Variants in FBLN2 observed in about 807,000 individuals in gnomAD.
FBLN2 encodes the protein fibulin-2.
Under a neutral mutation model 123.7 loss-of-function variants are expected in FBLN2, and 81 were observed. The observed-to-expected ratio is 0.65, with a 90% CI of 0.55 to 0.79. The LOEUF (loss-of-function observed/expected upper bound fraction) is 0.79, where lower values mean the gene tolerates loss of function less well. FBLN2 is among the 30% of genes least tolerant of loss of function. FBLN2 has a pLI of 0.00. For synonymous variants in FBLN2, 699 were observed against 701.4 expected, an observed-to-expected ratio of 1.00 and a Z score of 0.05; for missense variants, 1,603 against 1,681.3, an observed-to-expected ratio of 0.95 and a Z score of 0.81.
chr3:13,629,175 T>C lies in FBLN2; in HGVS notation c.2725T>C (p.Cys909Arg). Residue 909 changes from cysteine to arginine, a missense_variant, in exon 13 of 18, where the codon TGT becomes CGT. Physicochemically the swap from Cys to Arg is radical, Grantham distance 180. Coordinates refer to ENST00000404922, the MANE Select transcript of FBLN2 (RefSeq NM_001004019.2). ...CTCACCCCCCACAGACGTGAATGAG[T>C]GTGAGACAGGTGTGCACCGCTGCGG... Reference protein sequence around the residue: ...DGTKCVDVNECETGVHRCGEG... With the variant: ...DGTKCVDVNERETGVHRCGEG... 1 of 1,613,080 alleles carries C rather than the reference T, an allele frequency of 6.2e-7. No individual in the cohort carries two copies.
Position 13,637,976 on chromosome 3 carries a change from G to A in FBLN2, c.*57G>A. 2.1e-6 allele frequency: 3 copies of A among 1,420,406 alleles called. No individual in the cohort carries two copies. The highest frequency in any genetic ancestry group is 2.9e-6 in the Non-Finnish European group (3 of 1,040,266). The allele number at this position is 1,420,406 out of a possible 1,614,324, so 88.0% of individuals were successfully genotyped here. ...GCAGCCCAGGGCTCACACTGCGTGG[G>A]AGGGACTGGGTCACTATTGTGGTTT... is the stretch of plus-strand genomic sequence containing the variant. On this transcript the variant is annotated 3_prime_UTR_variant, in exon 18 of 18. Coordinates refer to ENST00000404922, the MANE Select transcript of FBLN2 (RefSeq NM_001004019.2).
At position 13,570,916 on chromosome 3, in the gene FBLN2, T is replaced by C. The variant is rs749078519; in HGVS notation, c.561T>C (p.Gly187=). The C allele has an allele frequency of 1.9e-6, 3 of 1,612,642 alleles. No homozygotes were observed. The Admixed American group carries it at 5.0e-5, about 27-fold the overall frequency. The change falls in exon 2 of 18, where the codon GGT becomes GGC. Residue 187 remains glycine (G), a synonymous_variant. Coordinates refer to ENST00000404922, the MANE Select transcript of FBLN2 (RefSeq NM_001004019.2). The part of the protein sequence containing the change: ...CHGNFSDAEE[G]DPERHYEDPY... ...GGAACTTCTCAGATGCCGAGGAGGG[T>C]GACCCCGAGCGACACTACGAAGACC...
At chr3:13,610,755 A>T (rs995886810) in intron 4 of FBLN2, among the ~76,000 whole-genome samples, 1 of 152,228 alleles carries the variant, frequency 6.6e-6, no homozygotes, top group Non-Finnish European at 1.5e-5. Flanking sequence ...GGAGGAAGGC[A>T]GGGCTGAGTT....
rs565480987 is a variant in FBLN2 at position 13,618,514 on chromosome 3, A to G, written c.1939+229A>G. On this transcript the variant is annotated intron_variant, in intron 6 of 17. Coordinates refer to ENST00000404922, the MANE Select transcript of FBLN2 (RefSeq NM_001004019.2). Reference sequence around the variant, plus strand: ...GGACCTGGCCCCAGCACCTTGTCCCATATTCGAGCGCAGGGACAGGCTCAG... The same window carrying G: ...GGACCTGGCCCCAGCACCTTGTCCCGTATTCGAGCGCAGGGACAGGCTCAG... Among the ~76,000 whole-genome samples, 9 of 152,314 alleles carry G rather than the reference A, an allele frequency of 5.9e-5. No homozygotes were observed. In the South Asian group the frequency reaches 8.3e-4, roughly 14 times the overall value.
At chr3:13,586,792 A>G (rs1415567192) in intron 2 of FBLN2, among the ~76,000 whole-genome samples, 1 of 148,598 alleles carries the variant, frequency 6.7e-6, no homozygotes, top group African/African-American at 2.5e-5. Flanking sequence ...TATGGGATGG[A>G]GCCACCTCAC....
chr3:13,614,620 ACC>A (rs1225355036), intron 5 of FBLN2, among the ~76,000 whole-genome samples: 1 of 143,326 alleles, frequency 7.0e-6, no homozygotes, highest in Admixed American at 7.0e-5. Context: ...CCATCCACCC[ACC>A]TACCCACCCA....
chr3:13,626,964 G>T (rs1280035997), intron 10 of FBLN2, among the ~76,000 whole-genome samples: 1 of 152,100 alleles, frequency 6.6e-6, no homozygotes, highest in African/African-American at 2.4e-5. Context: ...CAGAGGGAGG[G>T]GTTTCATCCA....
intron 2 of FBLN2, among the ~76,000 whole-genome samples, chr3:13,585,518 T>C (rs907485959): frequency 1.6e-4 from 25 of 152,192 alleles, no homozygotes; most frequent in African/African-American, 6.0e-4. Flanking sequence ...CATACGATTA[T>C]GGTGAAGCTG....
At chr3:13,558,160 C>G (rs1295945717) in intron 1 of FBLN2, among the ~76,000 whole-genome samples, 3 of 152,202 alleles carry the variant, frequency 2.0e-5, no homozygotes, top group African/African-American at 7.2e-5. Flanking sequence ...TGCCTCCTTC[C>G]AGATGCTGTG....
chr3:13,574,982 C>T lies in FBLN2; in HGVS notation c.1306+3321C>T, dbSNP rs373189954. Among the ~76,000 whole-genome samples, 10 of 152,298 alleles carry T rather than the reference C, an allele frequency of 6.6e-5. No homozygotes were observed. The East Asian group carries it at 1.3e-3, about 21-fold the overall frequency. The stretch of plus-strand genomic sequence containing the variant: ...TCCCCCATTAGACTCTAAACGAGGG[C>T]GAGGTTGCGTCTGCCTTGCTCACTG... On this transcript the variant is annotated intron_variant, in intron 2 of 17. Coordinates refer to ENST00000404922, the MANE Select transcript of FBLN2 (RefSeq NM_001004019.2).
chr3:13,565,030 G>C lies in FBLN2; in HGVS notation c.-41-5285G>C, dbSNP rs12633274. Among the ~76,000 whole-genome samples, 7 of 152,276 alleles carry C rather than the reference G, an allele frequency of 4.6e-5. No homozygotes were observed. The East Asian group carries it at 1.2e-3, about 25-fold the overall frequency. ...CTCCCTCCCCATCCTGCCTGCCCCA[G>C]GTGCCTTGTGAGGAGTGGGCAGGTC... On this transcript the variant is annotated intron_variant, in intron 1 of 17. Coordinates refer to ENST00000404922, the MANE Select transcript of FBLN2 (RefSeq NM_001004019.2).
In FBLN2 at chr3:13,637,712, C is replaced by T. The variant is rs1403632342; in HGVS notation, c.3489C>T (p.Thr1163=). The T allele has an allele frequency of 6.2e-7, 1 of 1,613,898 alleles. No individual in the cohort carries two copies. The highest frequency in any genetic ancestry group is 8.5e-7 in the Non-Finnish European group (1 of 1,179,884). Residue 1163 remains threonine, a synonymous_variant, in exon 18 of 18, where the codon ACC becomes ACT. Coordinates refer to ENST00000404922, the MANE Select transcript of FBLN2 (RefSeq NM_001004019.2). Reference sequence around the variant, plus strand: ...CCGCGCCAGCCTTCACGGGGGACACCATCGCCCTGAACATCATCAAGGGCA... The same window carrying T: ...CCGCGCCAGCCTTCACGGGGGACACTATCGCCCTGAACATCATCAAGGGCA... ...IGPAPAFTGD[T]IALNIIKGNE...
At chr3:13,576,024 G>T (rs972324741) in intron 2 of FBLN2, among the ~76,000 whole-genome samples, 1 of 152,190 alleles carries the variant, frequency 6.6e-6, no homozygotes, top group African/African-American at 2.4e-5. Flanking sequence ...GGCGAGTTCT[G>T]TGCCCTGCCC....
At chr3:13,633,323 G>A (rs1706325078) in intron 16 of FBLN2, among the ~76,000 whole-genome samples, 1 of 152,262 alleles carries the variant, frequency 6.6e-6, no homozygotes, top group Non-Finnish European at 1.5e-5. Flanking sequence ...GCTCTGTGTT[G>A]AAGAACTGGC....
intron 8 of FBLN2, among the ~76,000 whole-genome samples, chr3:13,620,905 G>C (rs1013209160): frequency 4.6e-5 from 7 of 152,216 alleles, no homozygotes; most frequent in Non-Finnish European, 4.4e-5. Flanking sequence ...GGTACATGAC[G>C]TGGCAGTGAC....
intron 1 of FBLN2, among the ~76,000 whole-genome samples, chr3:13,567,637 C>T (rs1433101285): frequency 1.3e-5 from 2 of 151,760 alleles, no homozygotes; most frequent in African/African-American, 4.8e-5. Context: ...GGATTACAGG[C>T]GTGAGCCACC....
intron 2 of FBLN2, among the ~76,000 whole-genome samples, chr3:13,591,950 G>T (rs981259664): frequency 1.3e-5 from 2 of 151,156 alleles, no homozygotes; most frequent in African/African-American, 2.4e-5. Context: ...CCCCTACTGC[G>T]TTACATTGTT....
In FBLN2 at chr3:13,619,339, C is replaced by T. The variant is rs73150620; in HGVS notation, c.2053+322C>T. ...GACCTGTTGTGGAGGCTGTGTTCAG[C>T]GCTGTGTAGAAAGTCCTCTTCTTTG... On this transcript the variant is annotated intron_variant, in intron 7 of 17. Transcript: ENST00000404922. Among the ~76,000 whole-genome samples, 925 of 152,258 alleles carry T rather than the reference C, an allele frequency of 6.1e-3. 8 individuals carry two copies. Among genetic ancestry groups the T allele is most frequent in the African/African-American group, 0.021 (878 of 41,508 alleles).
chr3:13,633,970 C>CACACACACACACACAT (rs1461203975), intron 16 of FBLN2, among the ~76,000 whole-genome samples: 5 of 150,870 alleles, frequency 3.3e-5, no homozygotes, highest in Non-Finnish European at 7.4e-5. Context: ...CACACACACA[C>CACACACACACACACAT]ACACACACAC....
Sources: gnomAD v4.1 joint callset for allele counts (sites outside exome capture counted in the v4.1 genomes callset) on GRCh38, gnomAD v4.1.1 for gene constraint, MANE v1.5 for transcripts, NCBI Gene and HGNC (gene_info 2026-07-23, HGNC 2026-07-21) for gene names.